TMEM11: variants seen among roughly 807,000 people sequenced by gnomAD.
TMEM11 encodes the protein transmembrane protein 11, mitochondrial.
A neutral mutation model predicts 17.0 loss-of-function variants in TMEM11; 1 was observed. The observed-to-expected ratio is 0.06, with a 90% CI of 0.02 to 0.28. TMEM11 has a LOEUF of 0.28. TMEM11 is among the 10% of genes least tolerant of loss of function. The probability of loss-of-function intolerance (pLI) is 1.00; values close to 1 mark genes in which losing one functional copy is unlikely to be tolerated. For synonymous variants in TMEM11, 122 were observed against 118.1 expected (o/e 1.03, Z -0.21); for missense variants, 172 against 252.9 (o/e 0.68, Z 2.17).
chr17:21,204,163 G>T (rs1220773726), intron 1 of TMEM11, among the ~76,000 whole-genome samples: 2 of 150,398 alleles, frequency 1.3e-5, no homozygotes, highest in Non-Finnish European at 3.0e-5. Flanking sequence ...GCCAGGTGCA[G>T]TGGCTCATGC....
intron 1 of TMEM11, among the ~76,000 whole-genome samples, chr17:21,202,714 C>G (rs911682379): frequency 6.6e-6 from 1 of 152,208 alleles, no homozygotes; most frequent in African/African-American, 2.4e-5. Context: ...CTCCAGGCTC[C>G]CTCCCACCTC....
chr17:21,206,263 C>T (rs1974941599), intron 1 of TMEM11, among the ~76,000 whole-genome samples: 1 of 152,178 alleles, frequency 6.6e-6, no homozygotes, highest in African/African-American at 2.4e-5. Flanking sequence ...GCTCCATTGC[C>T]CAGGCTGGAG....
At position 21,198,060 on chromosome 17, in the gene TMEM11, G is replaced by A. The variant is rs967415489; in HGVS notation, c.*264C>T. On this transcript the variant is annotated 3_prime_UTR_variant, in exon 2 of 2. Transcript: ENST00000317635. The surrounding 1 kb of genome is among the most constrained non-coding windows in gnomAD (Gnocchi z 6.5). ...CCCCAAAGCACGTCCACACCCCCTC[G>A]GCAGCGTCTGCCTCCATCAGCATTC... 2.5e-5 allele frequency: 11 copies of A among 435,992 alleles called. No homozygotes were observed. The highest frequency in any genetic ancestry group is 4.1e-5 in the Non-Finnish European group (10 of 245,532). 27.0% of individuals were successfully genotyped at this position (435,992 alleles called of 1,614,324 possible).
chr17:21,204,127 A>G (rs947641586), intron 1 of TMEM11, among the ~76,000 whole-genome samples: 4 of 150,356 alleles, frequency 2.7e-5, no homozygotes, highest in African/African-American at 9.7e-5. Context: ...ATGTTTAAAA[A>G]AAAAAAAAAA....
In TMEM11 at chr17:21,206,282, C is replaced by T. The variant is rs371380615; in HGVS notation, c.63-7442G>A. ...CATTGCCCAGGCTGGAGCGCAATGG[C>T]GCTATCTCGACTCACTGCAACCTCC... On this transcript the variant is annotated intron_variant, in intron 1 of 1. Transcript: ENST00000317635. Among the ~76,000 whole-genome samples, 11 of 152,268 alleles carry T rather than the reference C, an allele frequency of 7.2e-5. 1 individual carries two copies. In the East Asian group the frequency reaches 1.2e-3, roughly 16 times the overall value.
intron 1 of TMEM11, chr17:21,213,184 A>C (rs1305815166): frequency 6.6e-6 from 1 of 152,198 alleles, no homozygotes; most frequent in African/African-American, 2.4e-5. Flanking sequence ...GCAAAACAAA[A>C]ACTTTTCCTT....
Position 21,198,445 on chromosome 17 carries a change from G to C in TMEM11, c.458C>G (p.Ser153Cys). ...LSRLPLHTLT[S>C]STPVVLVRKD... ...CCGGACCAGCACCACCGGGGTGGAG[G>C]AGGTGAGTGTGTGCAGAGGCAGGCG... The change falls in exon 2 of 2, where the codon TCC becomes TGC. Residue 153 changes from serine to cysteine, a missense_variant. Coordinates refer to ENST00000317635, the MANE Select transcript of TMEM11 (RefSeq NM_003876.3). This position sits in a 1 kb window ranked among gnomAD's most constrained non-coding sequence, Gnocchi z 6.5. The C allele has an allele frequency of 6.2e-7, 1 of 1,614,256 alleles. No homozygotes were observed. The highest frequency in any genetic ancestry group is 8.5e-7 in the Non-Finnish European group (1 of 1,180,046).
In TMEM11 at chr17:21,197,976, G is replaced by C. The variant is rs1440974665; in HGVS notation, c.*348C>G. 5.3e-6 allele frequency: 1 copy of C among 189,194 alleles called. No homozygotes were observed. The highest frequency in any genetic ancestry group is 1.1e-5 in the Non-Finnish European group (1 of 93,170). 11.7% of individuals were successfully genotyped at this position (189,194 alleles called of 1,614,324 possible). ...GAGTTGAAATTCTCATAATTTTAAT[G>C]ATCAATAGCTTCTGGTGGGCTCTGG... On this transcript the variant is annotated 3_prime_UTR_variant, in exon 2 of 2. Transcript: ENST00000317635.
chr17:21,202,680 T>C (rs1056982658), intron 1 of TMEM11, among the ~76,000 whole-genome samples: 2 of 151,944 alleles, frequency 1.3e-5, no homozygotes, highest in Non-Finnish European at 2.9e-5. Flanking sequence ...CCAACCAGCC[T>C]GGAAGCAGCG....
intron 1 of TMEM11, among the ~76,000 whole-genome samples, chr17:21,210,628 C>A (rs1285508063): frequency 6.6e-6 from 1 of 152,182 alleles, no homozygotes; most frequent in Non-Finnish European, 1.5e-5. Context: ...GTGTAAGGGC[C>A]ACCTGGGACC....
intron 1 of TMEM11, among the ~76,000 whole-genome samples, chr17:21,203,839 C>T (rs1272527556): frequency 2.0e-5 from 3 of 151,866 alleles, no homozygotes; most frequent in Non-Finnish European, 4.4e-5. Flanking sequence ...AAGGAAAGAA[C>T]CCAGTCAGAA....
At chr17:21,202,322 C>A (rs1007499529) in intron 1 of TMEM11, among the ~76,000 whole-genome samples, 1 of 152,188 alleles carries the variant, frequency 6.6e-6, no homozygotes, top group African/African-American at 2.4e-5. Context: ...GCACCAGAGG[C>A]GGGCTTCCTC....
intron 1 of TMEM11, among the ~76,000 whole-genome samples, chr17:21,209,917 C>T (rs1346669028): frequency 1.3e-5 from 2 of 152,248 alleles, no homozygotes; most frequent in Non-Finnish European, 2.9e-5. Flanking sequence ...ATGACTACTA[C>T]ATGGCTGTCA....
chr17:21,201,208 G>A (rs1012703408), intron 1 of TMEM11, among the ~76,000 whole-genome samples: 3 of 152,196 alleles, frequency 2.0e-5, no homozygotes, highest in African/African-American at 7.2e-5. Flanking sequence ...CCCAAGCATG[G>A]GGACCCTAAC....
chr17:21,201,646 G>A (rs11656740), intron 1 of TMEM11, among the ~76,000 whole-genome samples: 47,825 of 151,916 alleles, frequency 0.31, 7,628 homozygotes, highest in Middle Eastern at 0.38. Context: ...TTTTGAGACA[G>A]GTTCCTGCTC....
intron 1 of TMEM11, among the ~76,000 whole-genome samples, chr17:21,202,485 G>T (rs895536440): frequency 7.9e-5 from 12 of 152,186 alleles, no homozygotes; most frequent in Non-Finnish European, 1.5e-4. Flanking sequence ...GTCCCACAGA[G>T]GAAATTCCAG....
Position 21,198,844 on chromosome 17 carries a change from T to C in TMEM11, c.63-4A>G. The C allele has an allele frequency of 2.7e-5, 43 of 1,604,770 alleles. No individual in the cohort carries two copies. Among genetic ancestry groups the C allele is most frequent in the Non-Finnish European group, 3.7e-5 (43 of 1,173,996 alleles). ...GTCTGTGGCCGACAAGCTCACCCTT[T>C]TGATGGAGGGGGCAGGAAAGGGAGA... On this transcript the variant is annotated splice_polypyrimidine_tract_variant and splice_region_variant and intron_variant, in intron 1 of 1. Transcript: ENST00000317635. This position sits in a 1 kb window ranked among gnomAD's most constrained non-coding sequence, Gnocchi z 6.5.
At chr17:21,213,985 C>G (rs371713374) in intron 1 of TMEM11, 106 bp downstream of exon 1, 10 of 1,104,280 alleles carry the variant, frequency 9.1e-6, no homozygotes, top group South Asian at 3.0e-5. Flanking sequence ...GTAGGGGGAG[C>G]GCGGGGAAAC....
chr17:21,204,724 T>A (rs968877739), intron 1 of TMEM11, among the ~76,000 whole-genome samples: 5 of 152,088 alleles, frequency 3.3e-5, no homozygotes, highest in Non-Finnish European at 5.9e-5. Context: ...TCCTTTTGAA[T>A]CTGGCATGAT....
Sources: gnomAD v4.1 joint callset for allele counts (sites outside exome capture counted in the v4.1 genomes callset) on GRCh38, gnomAD v4.1.1 for gene constraint, Gnocchi (gnomAD v3.1) non-coding constraint, MANE v1.5 for transcripts, NCBI Gene and HGNC (gene_info 2026-07-23, HGNC 2026-07-21) for gene names.